DIAPH3: variants seen among roughly 807,000 people sequenced by gnomAD.
The protein encoded by DIAPH3 is protein diaphanous homolog 3.
Under a neutral mutation model 144.3 loss-of-function variants are expected in DIAPH3, and 117 were observed. The observed-to-expected ratio is 0.81, with a 90% CI of 0.70 to 0.95. The LOEUF (loss-of-function observed/expected upper bound fraction) is 0.95, where lower values mean the gene tolerates loss of function less well. Among genes scored for constraint, DIAPH3 ranks in the 40% least tolerant of loss-of-function variants. DIAPH3 has a pLI of 0.00. For missense variants in DIAPH3, 1,421 were observed against 1,412.7 expected (o/e 1.01, Z -0.09); for synonymous variants, 519 against 488.9 (o/e 1.06, Z -0.81).
intron 17 of DIAPH3, among the ~76,000 whole-genome samples, chr13:59,929,554 C>CT (rs1167902415): frequency 0.077 from 4,332 of 56,118 alleles, 934 homozygotes; most frequent in African/African-American, 0.13. Flanking sequence ...AAATTTTGTT[C>CT]TTTTTTTTTT....
intron 4 of DIAPH3, among the ~76,000 whole-genome samples, chr13:60,043,697 G>A (rs1242093516): frequency 6.6e-6 from 1 of 152,076 alleles, no homozygotes; most frequent in Non-Finnish European, 1.5e-5. Context: ...CTAAATACTG[G>A]GCACTGTTTT....
At chr13:60,082,589 A>G (rs2057597996) in intron 4 of DIAPH3, among the ~76,000 whole-genome samples, 1 of 152,030 alleles carries the variant, frequency 6.6e-6, no homozygotes, top group South Asian at 2.1e-4. Context: ...GTATTATTCA[A>G]GATCCTAAGC....
chr13:59,876,706 A>AT (rs1164050678), intron 21 of DIAPH3, among the ~76,000 whole-genome samples: 4 of 152,210 alleles, frequency 2.6e-5, no homozygotes, highest in African/African-American at 9.6e-5. Context: ...AGAGGAAGGC[A>AT]TAAGGACATG....
At chr13:59,832,951 C>T (rs1000408638) in intron 24 of DIAPH3, 156 bp downstream of exon 24, 3 of 682,140 alleles carry the variant, frequency 4.4e-6, no homozygotes, top group Admixed American at 2.3e-5. Flanking sequence ...ACAAACCATA[C>T]ATTTTTCAAT....
chr13:59,925,764 C>G (rs1413043775), intron 17 of DIAPH3, among the ~76,000 whole-genome samples: 1 of 151,996 alleles, frequency 6.6e-6, no homozygotes, highest in Non-Finnish European at 1.5e-5. Context: ...TTGGTAGCTA[C>G]GTGTCCAGAA....
intron 27 of DIAPH3, among the ~76,000 whole-genome samples, chr13:59,689,681 G>T (rs574682678): frequency 6.6e-6 from 1 of 152,064 alleles, no homozygotes; most frequent in East Asian, 1.9e-4. Flanking sequence ...GATGGCAGAC[G>T]GTGGGGAACA....
chr13:59,952,444 T>C (rs184687468), intron 17 of DIAPH3, among the ~76,000 whole-genome samples: 214 of 152,290 alleles, frequency 1.4e-3, no homozygotes, highest in African/African-American at 5.0e-3. Context: ...ACCTACAAAA[T>C]GTGTTAGAGT....
At chr13:59,857,671 T>A (rs2043334038) in intron 22 of DIAPH3, among the ~76,000 whole-genome samples, 1 of 152,150 alleles carries the variant, frequency 6.6e-6, no homozygotes, top group Non-Finnish European at 1.5e-5. Context: ...GTATAAGAAT[T>A]CCTGGAAAAC....
intron 19 of DIAPH3, among the ~76,000 whole-genome samples, chr13:59,913,129 T>G (rs1177208341): frequency 6.6e-6 from 1 of 152,206 alleles, no homozygotes; most frequent in Non-Finnish European, 1.5e-5. Flanking sequence ...TTTTATTACT[T>G]CAGGCCTCTG....
chr13:59,689,937 A>G lies in DIAPH3; in HGVS notation c.3320-23091T>C, dbSNP rs75627898. Among the ~76,000 whole-genome samples the G allele has an allele frequency of 9.3e-4, 142 of 152,186 alleles. 1 individual carries two copies. The highest frequency in any genetic ancestry group is 3.3e-3 in the African/African-American group (136 of 41,522). On this transcript the variant is annotated intron_variant, in intron 27 of 27. Transcript: ENST00000400324. ...TGAAAGTTGCTACTCTATCCAAATAATGTTAAACACAGACATCCAGATTAA... is the reference window on the plus strand; with the variant it reads ...TGAAAGTTGCTACTCTATCCAAATAGTGTTAAACACAGACATCCAGATTAA...
chr13:60,007,061 T>C (rs558740288), intron 9 of DIAPH3, among the ~76,000 whole-genome samples: 1 of 152,138 alleles, frequency 6.6e-6, no homozygotes, highest in Admixed American at 6.5e-5. Context: ...CTCATTTTTT[T>C]TTTTTCTTGA....
chr13:60,139,909 C>T (rs1296064789), intron 1 of DIAPH3, among the ~76,000 whole-genome samples: 1 of 152,166 alleles, frequency 6.6e-6, no homozygotes, highest in African/African-American at 2.4e-5. Flanking sequence ...AACTCTTTTG[C>T]AACATGTCCA....
rs1411547910 is a variant in DIAPH3 at position 60,010,549 on chromosome 13, C to A, written c.892G>T (p.Val298Leu). 6.2e-7 allele frequency: 1 copy of A among 1,603,538 alleles called. No homozygotes were observed. Among genetic ancestry groups the A allele is most frequent in the African/African-American group, 1.3e-5 (1 of 74,742 alleles). ...VVKLLSAVCI[V>L]GEESILEEVL... ...AACACTTACATGCTTTCTTCCCCTA[C>A]AATGCATACCGCAGAGAGAAGTTTA... Residue 298 changes from valine to leucine, a missense_variant, in exon 8 of 28, where the codon GTA (valine) becomes TTA (leucine). Transcript: ENST00000400324.
intron 22 of DIAPH3, among the ~76,000 whole-genome samples, chr13:59,840,528 T>C (rs1354913206): frequency 1.3e-5 from 2 of 152,104 alleles, no homozygotes; most frequent in Admixed American, 6.6e-5. Flanking sequence ...AAAAATAATG[T>C]GTAAGAATAT....
At chr13:59,769,938 G>C (rs373187475) in intron 27 of DIAPH3, among the ~76,000 whole-genome samples, 1 of 152,012 alleles carries the variant, frequency 6.6e-6, no homozygotes, top group African/African-American at 2.4e-5. Flanking sequence ...GTTGAATAAA[G>C]AAAATAGATA....
intron 26 of DIAPH3, 47 bp downstream of exon 26, chr13:59,774,681 C>T (rs554551041): frequency 6.5e-7 from 1 of 1,537,204 alleles, no homozygotes; most frequent in African/African-American, 1.4e-5. Flanking sequence ...GATTCTTTCT[C>T]TGTGATAGCT....
chr13:60,073,296 G>T (rs578032150), intron 4 of DIAPH3, among the ~76,000 whole-genome samples: 1 of 151,564 alleles, frequency 6.6e-6, no homozygotes, highest in African/African-American at 2.4e-5. Flanking sequence ...GCAACAGAGC[G>T]GGATGTTGTC....
At chr13:59,925,002 T>C in intron 17 of DIAPH3, 132 bp from the exon 18 acceptor site, 1 of 1,420,610 alleles carries the variant, frequency 7.0e-7, no homozygotes. Flanking sequence ...TAAAAACAAA[T>C]AAAACGATAG....
intron 7 of DIAPH3, among the ~76,000 whole-genome samples, chr13:60,013,923 ATTC>A (rs2053452113): frequency 6.6e-6 from 1 of 152,164 alleles, no homozygotes; most frequent in African/African-American, 2.4e-5. Flanking sequence ...TTAACTTTTT[ATTC>A]TTAATAACAC....
Sources: gnomAD v4.1 joint callset for allele counts (sites outside exome capture counted in the v4.1 genomes callset) on GRCh38, gnomAD v4.1.1 for gene constraint, MANE v1.5 for transcripts, NCBI Gene and HGNC (gene_info 2026-07-23, HGNC 2026-07-21) for gene names.